WDR20: variants seen among roughly 807,000 people sequenced by gnomAD.
The protein encoded by WDR20 is WD repeat domain 20.
In WDR20, 3 loss-of-function variants were observed where a neutral mutation model predicts 38.7. The observed-to-expected ratio is 0.08, with a 90% CI of 0.04 to 0.20. The LOEUF is 0.20. Ranked by LOEUF, WDR20 falls within the 10% of genes least tolerant of loss-of-function variation. The pLI is 1.00. For missense variants in WDR20, 559 were observed against 727.7 expected, an observed-to-expected ratio of 0.77 and a Z score of 2.67; for synonymous variants, 298 against 285.6, an observed-to-expected ratio of 1.04 and a Z score of -0.44.
At position 102,220,081 on chromosome 14, in the gene WDR20, G is replaced by A. The variant is rs1597158543; in HGVS notation, c.1693-2749G>A. On this transcript the variant is annotated intron_variant, in intron 3 of 3. Coordinates refer to the WDR20 transcript ENST00000335263. This position sits in a 1 kb window ranked among gnomAD's most constrained non-coding sequence, Gnocchi z 4.2. ...GCGTTGGGTCGCTTTCTAGGGGTGC[G>A]GCTTTGTAGGGACCAGCTGGCGGAA... 6.6e-6 allele frequency among the ~76,000 whole-genome samples: 1 copy of A among 152,226 alleles called. No homozygotes were observed. The highest frequency in any genetic ancestry group is 6.5e-5 in the Admixed American group (1 of 15,284).
chr14:102,224,104 C>A (rs2064151943), downstream of WDR20, among the ~76,000 whole-genome samples: 1 of 147,738 alleles, frequency 6.8e-6, no homozygotes, highest in Non-Finnish European at 1.5e-5. Context: ...TGCAGTGGCG[C>A]AATCTCGGCT....
chr14:102,215,006 T>C, downstream of WDR20: 2 of 983,674 alleles, frequency 2.0e-6, no homozygotes, highest in Non-Finnish European at 2.4e-6. Context: ...GAACTGTAAA[T>C]GTAGATAATT....
At chr14:102,139,550 T>C (rs1003312931), upstream of WDR20, 6 of 851,202 alleles carry the variant, frequency 7.0e-6, no homozygotes, top group East Asian at 1.6e-4. Flanking sequence ...CACCTCAGGC[T>C]CATGACACCA....
At chr14:102,193,916 C>G (rs183083005) in intron 1 of WDR20, among the ~76,000 whole-genome samples, 330 of 152,208 alleles carry the variant, frequency 2.2e-3, no homozygotes, top group Non-Finnish European at 3.9e-3. Context: ...CTTATTTCAC[C>G]AATAAAAGCC....
At chr14:102,139,881 C>T (rs1388168819), upstream of WDR20, 1 of 1,597,642 alleles carries the variant, frequency 6.3e-7, no homozygotes, top group Admixed American at 1.7e-5. Flanking sequence ...GCGCGGTGGG[C>T]GTGATCCGGG....
chr14:102,172,685 G>A (rs1190565), intron 1 of WDR20, among the ~76,000 whole-genome samples: 71,694 of 125,234 alleles, frequency 0.57, 18,543 homozygotes, highest in East Asian at 0.82. Flanking sequence ...CCTCCCTCCC[G>A]GACGGGGCGG....
chr14:102,210,618 G>T (rs2062360322), downstream of WDR20: 5 of 860,672 alleles, frequency 5.8e-6, no homozygotes, highest in Non-Finnish European at 7.0e-6. Context: ...GCGGGCCGAG[G>T]ACGCCAACAG....
chr14:102,209,978 T>C lies in WDR20; in HGVS notation c.*98T>C. ...GAATGTGAATGACACTTCTTATTCT[T>C]AATGTAAATCTCAATGCATCAGAGC... On this transcript the variant is annotated 3_prime_UTR_variant, in exon 3 of 3. Transcript: ENST00000342702. The surrounding 1 kb of genome is among the most constrained non-coding windows in gnomAD (Gnocchi z 6.0). 1 of 1,487,786 alleles carries C rather than the reference T, an allele frequency of 6.7e-7. No homozygotes were observed. The highest frequency in any genetic ancestry group is 8.9e-7 in the Non-Finnish European group (1 of 1,127,352). 92.2% of individuals were successfully genotyped at this position (1,487,786 alleles called of 1,614,324 possible).
chr14:102,140,416 G>C lies in WDR20; in HGVS notation c.249+244G>C, dbSNP rs559531382. Among the ~76,000 whole-genome samples, 41 of 152,236 alleles carry C rather than the reference G, an allele frequency of 2.7e-4. 1 individual carries two copies. The highest frequency in any genetic ancestry group is 9.6e-4 in the African/African-American group (40 of 41,546). ...CGTGGGGCGCGGGGGTTCTGGCTGG[G>C]AGGCTCCCGGGGGAGCCGGCTGCGT... On this transcript the variant is annotated intron_variant, in intron 1 of 2. Coordinates refer to ENST00000342702, the MANE Select transcript of WDR20 (RefSeq NM_144574.4).
chr14:102,177,711 G>A (rs577751661), intron 1 of WDR20, among the ~76,000 whole-genome samples: 1 of 152,132 alleles, frequency 6.6e-6, no homozygotes, highest in African/African-American at 2.4e-5. Flanking sequence ...GAAAGGGGTG[G>A]TCTGGAAAGT....
downstream of WDR20, chr14:102,213,868 A>G: frequency 3.0e-6 from 3 of 985,462 alleles, no homozygotes; most frequent in South Asian, 4.7e-5. Flanking sequence ...GAAGGGATCC[A>G]CGGAAACCCA....
chr14:102,146,767 G>T (rs1566788273), intron 1 of WDR20, among the ~76,000 whole-genome samples: 1 of 152,102 alleles, frequency 6.6e-6, no homozygotes, highest in African/African-American at 2.4e-5. Flanking sequence ...GCTTCAGAGA[G>T]GGTCATGTTC....
At chr14:102,201,088 C>A (rs922216279) in intron 2 of WDR20, among the ~76,000 whole-genome samples, 1 of 152,222 alleles carries the variant, frequency 6.6e-6, no homozygotes, top group South Asian at 2.1e-4. Flanking sequence ...ATGATCTACT[C>A]CTTAAAGCTT....
chr14:102,210,401 G>C lies in WDR20; in HGVS notation c.*521G>C, dbSNP rs1056511039. 2.0e-6 allele frequency: 2 copies of C among 985,326 alleles called. No individual in the cohort carries two copies. The highest frequency in any genetic ancestry group is 1.2e-6 in the Non-Finnish European group (1 of 829,948). 61.0% of individuals were successfully genotyped at this position (985,326 alleles called of 1,614,324 possible). On this transcript the variant is annotated 3_prime_UTR_variant, in exon 3 of 3. Coordinates refer to ENST00000342702, the MANE Select transcript of WDR20 (RefSeq NM_144574.4). ...ACTTTAGGAACAAAACGTTTAGCAG[G>C]GTTGATTGATATTATTTTTACATTG...
intron 2 of WDR20, among the ~76,000 whole-genome samples, chr14:102,200,467 T>TTG (rs71395660): frequency 0.14 from 16,349 of 117,156 alleles, 1,044 homozygotes; most frequent in Middle Eastern, 0.19. Context: ...ATTTTTTTTT[T>TTG]TGTGTGTGTG....
chr14:102,199,228 C>G (rs2059906572), intron 2 of WDR20, among the ~76,000 whole-genome samples: 1 of 151,686 alleles, frequency 6.6e-6, no homozygotes, highest in Admixed American at 6.6e-5. Flanking sequence ...TCTTACCTCT[C>G]CTCGGTTGGA....
At chr14:102,196,620 G>A (rs372424472) in intron 2 of WDR20, among the ~76,000 whole-genome samples, 2 of 152,084 alleles carry the variant, frequency 1.3e-5, no homozygotes, top group Non-Finnish European at 2.9e-5. Flanking sequence ...ACAGAATGCC[G>A]CTTAGAGAAC....
At chr14:102,151,846 C>T (rs1418092908) in intron 1 of WDR20, among the ~76,000 whole-genome samples, 1 of 151,714 alleles carries the variant, frequency 6.6e-6, no homozygotes, top group Non-Finnish European at 1.5e-5. Context: ...CCCAAATAAT[C>T]CTCCTGCCTC....
intron 1 of WDR20, among the ~76,000 whole-genome samples, chr14:102,172,036 A>G (rs1205448712): frequency 2.0e-5 from 3 of 151,308 alleles, no homozygotes; most frequent in Non-Finnish European, 4.4e-5. Flanking sequence ...TGGTTTTCCT[A>G]GGCAGAGGAC....
Sources: gnomAD v4.1 joint callset for allele counts (sites outside exome capture counted in the v4.1 genomes callset) on GRCh38, gnomAD v4.1.1 for gene constraint, Gnocchi (gnomAD v3.1) non-coding constraint, MANE v1.5 for transcripts, NCBI Gene and HGNC (gene_info 2026-07-23, HGNC 2026-07-21) for gene names.